The following E2F3 variants were observed in gnomAD, a reference collection of about 807,000 sequenced individuals.
The protein encoded by E2F3 is E2F transcription factor 3, also known as transcription factor E2F3.
A neutral mutation model predicts 44.4 loss-of-function variants in E2F3; 11 were observed. That is an observed-to-expected ratio of 0.25 (90% CI 0.16 to 0.41). The LOEUF (loss-of-function observed/expected upper bound fraction) is 0.41, where lower values mean the gene tolerates loss of function less well. Ranked by LOEUF, E2F3 falls within the 10% of genes least tolerant of loss-of-function variation. The pLI is 1.00. For missense variants in E2F3, 487 were observed against 583.6 expected (o/e 0.83, Z 1.70); for synonymous variants, 249 against 253.0 (o/e 0.98, Z 0.15).
At chr6:20,481,773 C>T (rs987098177) in intron 3 of E2F3, among the ~76,000 whole-genome samples, 1 of 152,048 alleles carries the variant, frequency 6.6e-6, no homozygotes, top group Non-Finnish European at 1.5e-5. Flanking sequence ...GATGTGTACA[C>T]GTCTTCAGCT....
At chr6:20,424,915 C>T (rs1429543367) in intron 1 of E2F3, among the ~76,000 whole-genome samples, 4 of 152,270 alleles carry the variant, frequency 2.6e-5, no homozygotes, top group East Asian at 1.9e-4. Flanking sequence ...CAGGAAATTT[C>T]GAAACCTCTC....
At chr6:20,488,779 A>C (rs1268510173) in intron 6 of E2F3, among the ~76,000 whole-genome samples, 2 of 152,090 alleles carry the variant, frequency 1.3e-5, no homozygotes, top group Non-Finnish European at 2.9e-5. Flanking sequence ...GCAGATCACG[A>C]GGTCAGGAGA....
At chr6:20,461,023 A>T (rs1438288743) in intron 1 of E2F3, among the ~76,000 whole-genome samples, 1 of 112,790 alleles carries the variant, frequency 8.9e-6, no homozygotes, top group East Asian at 2.6e-4. Context: ...AAAAAAAAAA[A>T]AGCCATGTAT....
At chr6:20,418,086 A>C (rs1370294912) in intron 1 of E2F3, among the ~76,000 whole-genome samples, 2 of 152,180 alleles carry the variant, frequency 1.3e-5, no homozygotes, top group Non-Finnish European at 2.9e-5. Context: ...TGCTCTATGT[A>C]GTCAGGGTAG....
chr6:20,476,415 T>C (rs1246709158), intron 1 of E2F3, among the ~76,000 whole-genome samples: 1 of 151,966 alleles, frequency 6.6e-6, no homozygotes, highest in African/African-American at 2.4e-5. Context: ...GTTTATTGGC[T>C]AATGTAACTG....
intron 1 of E2F3, among the ~76,000 whole-genome samples, chr6:20,464,598 C>G (rs1412195238): frequency 1.3e-5 from 2 of 152,234 alleles, no homozygotes; most frequent in Non-Finnish European, 2.9e-5. Context: ...AGCTTCTGCT[C>G]TACGCCCTGT....
chr6:20,462,869 T>C (rs1761567770), intron 1 of E2F3, among the ~76,000 whole-genome samples: 2 of 77,220 alleles, frequency 2.6e-5, no homozygotes, highest in African/African-American at 5.4e-5. Flanking sequence ...CTTTTTTTTT[T>C]TTTTTTTTTT....
At chr6:20,442,991 A>AT (rs1202601649) in intron 1 of E2F3, among the ~76,000 whole-genome samples, 1 of 151,734 alleles carries the variant, frequency 6.6e-6, no homozygotes, top group Non-Finnish European at 1.5e-5. Context: ...TCTCAAATCT[A>AT]TTTTTTAAAT....
rs186543948 is a variant in E2F3, at chr6:20,446,470, T to C, written c.394-33376T>C. Among the ~76,000 whole-genome samples the C allele has an allele frequency of 7.9e-5, 12 of 152,334 alleles. No homozygotes were observed. The East Asian group carries it at 1.5e-3, about 20-fold the overall frequency. The stretch of plus-strand genomic sequence containing the variant: ...GCATTGTTTTGTATCATACCACAAG[T>C]AGCACTTAAGGTTGGAATCATTGCT... On this transcript the variant is annotated intron_variant, in intron 1 of 6. Transcript: ENST00000346618.
rs1760900936 is a variant in E2F3 at position 20,445,199 on chromosome 6, C to T, written c.394-34647C>T. The T allele has an allele frequency of 9.6e-6, 9 of 939,660 alleles. No individual in the cohort carries two copies. The Admixed American group carries it at 4.9e-4, about 52-fold the overall frequency. 58.2% of individuals were successfully genotyped at this position (939,660 alleles called of 1,614,324 possible). On this transcript the variant is annotated intron_variant, in intron 1 of 6. Coordinates refer to ENST00000346618, the MANE Select transcript of E2F3 (RefSeq NM_001949.5). ...GAATACTACCAACATCATCTTCCTT[C>T]CCAGGATGACAAGGCATTGAGAAAA...
At chr6:20,461,114 G>A (rs930504834) in intron 1 of E2F3, among the ~76,000 whole-genome samples, 1 of 149,288 alleles carries the variant, frequency 6.7e-6, no homozygotes, top group Non-Finnish European at 1.5e-5. Flanking sequence ...CTCACTAATT[G>A]ACACTTGTTT....
At chr6:20,487,986 G>A (rs990181037) in intron 5 of E2F3, 127 bp from the exon 6 acceptor site, 27 of 1,297,872 alleles carry the variant, frequency 2.1e-5, no homozygotes, top group Admixed American at 3.9e-5. Context: ...TCATAGAGTT[G>A]GACTAGTAGG....
intron 1 of E2F3, among the ~76,000 whole-genome samples, chr6:20,418,551 A>G (rs1438401850): frequency 6.6e-6 from 1 of 152,210 alleles, no homozygotes; most frequent in Non-Finnish European, 1.5e-5. Context: ...CTAAAGGCGG[A>G]CAAACTAGAC....
chr6:20,443,735 C>T (rs1183467009), intron 1 of E2F3, among the ~76,000 whole-genome samples: 6 of 152,090 alleles, frequency 3.9e-5, no homozygotes, highest in Admixed American at 3.9e-4. Context: ...TATCTTCACC[C>T]CTTTCAAGGT....
intron 1 of E2F3, among the ~76,000 whole-genome samples, chr6:20,410,661 C>T (rs1759641491): frequency 6.6e-6 from 1 of 152,180 alleles, no homozygotes. Flanking sequence ...TTCCGTTGCC[C>T]AGGCTGAAAT....
chr6:20,432,515 C>T (rs1037965383), intron 1 of E2F3, among the ~76,000 whole-genome samples: 4 of 152,328 alleles, frequency 2.6e-5, no homozygotes, highest in South Asian at 2.1e-4. Flanking sequence ...ACAGACCTTA[C>T]GTTTAGGGAA....
At chr6:20,412,294 C>T (rs768308358) in intron 1 of E2F3, among the ~76,000 whole-genome samples, 5 of 151,986 alleles carry the variant, frequency 3.3e-5, no homozygotes, top group South Asian at 2.1e-4. Context: ...TCTCCCAGGG[C>T]GCTTTTTAAA....
At chr6:20,454,314 A>G (rs1199697543) in intron 1 of E2F3, among the ~76,000 whole-genome samples, 3 of 152,222 alleles carry the variant, frequency 2.0e-5, no homozygotes, top group African/African-American at 7.2e-5. Flanking sequence ...CATGCTCAAG[A>G]TTGAGACCCA....
At chr6:20,472,950 T>C (rs1048408488) in intron 1 of E2F3, among the ~76,000 whole-genome samples, 2 of 152,170 alleles carry the variant, frequency 1.3e-5, no homozygotes, top group Non-Finnish European at 2.9e-5. Context: ...CTCGGACATA[T>C]GTTATTAATA....
Sources: allele counts gnomAD v4.1 joint callset (sites outside exome capture counted in the v4.1 genomes callset), GRCh38; gene constraint gnomAD v4.1.1; transcripts MANE v1.5; gene names NCBI Gene and HGNC (gene_info 2026-07-23, HGNC 2026-07-21).